The following RFC4 variants were observed in gnomAD, a reference collection of about 807,000 sequenced individuals.
RFC4 encodes the protein A1 37 kDa subunit.
A neutral mutation model predicts 47.6 loss-of-function variants in RFC4; 38 were observed. The observed-to-expected ratio is 0.80, with a 90% CI of 0.62 to 1.05. RFC4 has a LOEUF of 1.05. Ranked by LOEUF, RFC4 falls within the 50% of genes least tolerant of loss-of-function variation. The pLI, the probability that RFC4 is intolerant of heterozygous loss-of-function variation, is 0.00. For missense variants in RFC4, 489 were observed against 434.0 expected (o/e 1.13, Z -1.13); for synonymous variants, 164 against 150.0 (o/e 1.09, Z -0.68).
At chr3:186,803,511 T>C (rs543837253) in intron 2 of RFC4, among the ~76,000 whole-genome samples, 1 of 152,022 alleles carries the variant, frequency 6.6e-6, no homozygotes, top group East Asian at 1.9e-4. Flanking sequence ...GACAATTTTA[T>C]TTATTTATTT....
rs144395569 is a variant in RFC4 at position 186,793,167 on chromosome 3, T to C, written c.411-220A>G. ...TTGTACCTATTAGGAGTCACTCTTC[T>C]TCCCCCAGTCATTCCCAGCTCTAGG... On this transcript the variant is annotated intron_variant, in intron 5 of 10. Transcript: ENST00000296273. This position sits in a 1 kb window ranked among gnomAD's most constrained non-coding sequence, Gnocchi z 4.2. 4.0e-3 allele frequency among the ~76,000 whole-genome samples: 611 copies of C among 152,322 alleles called. 4 individuals carry two copies. Among genetic ancestry groups the C allele is most frequent in the Non-Finnish European group, 7.1e-3 (484 of 68,030 alleles).
intron 3 of RFC4, among the ~76,000 whole-genome samples, chr3:186,799,663 G>C (rs1430479697): frequency 2.6e-5 from 4 of 151,806 alleles, no homozygotes; most frequent in Non-Finnish European, 4.4e-5. Flanking sequence ...CAGTGAGCTG[G>C]TATCACGCCA....
Position 186,791,766 on chromosome 3 carries a change from C to CGAA in RFC4, c.759_760insTTC (p.Gly253_Gly254insPhe). ...ATCACTTTCTCTGTGATCTCCTTTC[C>CGAA]ACCTGTTAATCGAGTAGCGCTTTGA... On this transcript the variant is annotated inframe_insertion, in exon 8 of 11. Coordinates refer to ENST00000296273, the MANE Select transcript of RFC4 (RefSeq NM_002916.5). The CGAA allele has an allele frequency of 3.1e-6, 5 of 1,611,938 alleles. No homozygotes were observed. Among genetic ancestry groups the CGAA allele is most frequent in the Non-Finnish European group, 4.2e-6 (5 of 1,178,000 alleles).
chr3:186,796,203 AAAGT>A lies in RFC4; in HGVS notation c.290+1328_290+1331del, dbSNP rs3917120. Among the ~76,000 whole-genome samples, 68,001 of 150,172 alleles carry A rather than the reference AAAGT, an allele frequency of 0.45. 15,497 individuals carry two copies. Among genetic ancestry groups the A allele is most frequent in the Non-Finnish European group, 0.48 (31,837 of 66,956 alleles). On this transcript the variant is annotated intron_variant, in intron 4 of 10. Coordinates refer to ENST00000296273, the MANE Select transcript of RFC4 (RefSeq NM_002916.5). This position sits in a 1 kb window ranked among gnomAD's most constrained non-coding sequence, Gnocchi z 4.2. ...AATATTAAATATGAAATTCACTGTT[AAAGT>A]AAGTTCTTTAAAGACAAACATTATT... is the stretch of plus-strand genomic sequence containing the variant.
At chr3:186,802,766 T>C (rs1469048443) in intron 2 of RFC4, among the ~76,000 whole-genome samples, 1 of 152,100 alleles carries the variant, frequency 6.6e-6, no homozygotes, top group East Asian at 1.9e-4. Flanking sequence ...GGGAATCCAG[T>C]ATATGTTATA....
At chr3:186,801,850 A>G (rs1722363157) in intron 2 of RFC4, among the ~76,000 whole-genome samples, 1 of 150,546 alleles carries the variant, frequency 6.6e-6, no homozygotes, top group Non-Finnish European at 1.5e-5. Flanking sequence ...ACGGAGAAAC[A>G]CTGTCTCTAC....
At chr3:186,790,290 A>G (rs1223750176) in intron 9 of RFC4, 35 bp from the exon 10 acceptor site, 2 of 1,611,356 alleles carry the variant, frequency 1.2e-6, no homozygotes, top group African/African-American at 1.3e-5. Flanking sequence ...TGATGACTTA[A>G]TATTCCTTTC....
chr3:186,805,715 T>C (rs1722464140), intron 1 of RFC4: 1 of 152,124 alleles, frequency 6.6e-6, no homozygotes, highest in South Asian at 2.1e-4. Context: ...ACCCAGAAGG[T>C]AACTATTTCT....
At chr3:186,802,280 C>T (rs1348260324) in intron 2 of RFC4, among the ~76,000 whole-genome samples, 2 of 151,692 alleles carry the variant, frequency 1.3e-5, no homozygotes, top group Non-Finnish European at 2.9e-5. Flanking sequence ...GAGCCAAGAT[C>T]GCACCACTGC....
At chr3:186,803,722 G>A (rs1432177541) in intron 2 of RFC4, among the ~76,000 whole-genome samples, 1 of 150,708 alleles carries the variant, frequency 6.6e-6, no homozygotes. Context: ...ATGTTGGCCA[G>A]GCTGGTCTGG....
At chr3:186,800,968 A>C (rs1722338983) in intron 3 of RFC4, 149 bp downstream of exon 3, 1 of 592,878 alleles carries the variant, frequency 1.7e-6, no homozygotes, top group Admixed American at 3.2e-5. Context: ...AAATATTTGA[A>C]CTAATTATCA....
rs3082241 is a variant in RFC4, at chr3:186,796,026, T to TACACACACAC, written c.291-1259_291-1250dup. Among the ~76,000 whole-genome samples, 19 of 149,170 alleles carry TACACACACAC rather than the reference T, an allele frequency of 1.3e-4. No individual in the cohort carries two copies. Among genetic ancestry groups the TACACACACAC allele is most frequent in the African/African-American group, 2.2e-4 (9 of 40,434 alleles). ...TTTTTGAAACTTCCCTCTAGTCTTT[T>TACACACACAC]ACACACACACACACACACACACACA... On this transcript the variant is annotated intron_variant, in intron 4 of 10. Coordinates refer to ENST00000296273, the MANE Select transcript of RFC4 (RefSeq NM_002916.5). This position sits in a 1 kb window ranked among gnomAD's most constrained non-coding sequence, Gnocchi z 4.2.
rs202131209 is a variant in RFC4 at position 186,790,297 on chromosome 3, T to C, written c.882+29A>G. The C allele has an allele frequency of 7.4e-6, 12 of 1,612,068 alleles. No homozygotes were observed. In the East Asian group the frequency reaches 2.2e-4, roughly 30 times the overall value. ...TTTTGGTATGATGACTTAATATTCC[T>C]TTCCCCAAAGTTAGTAAGCTGACTT... On this transcript the variant is annotated intron_variant, in intron 9 of 10. Transcript: ENST00000296273.
chr3:186,801,356 G>A (rs1722347993), intron 2 of RFC4, 161 bp from the exon 3 acceptor site: 4 of 606,660 alleles, frequency 6.6e-6, no homozygotes, highest in East Asian at 2.8e-5. Context: ...AACCCCACTT[G>A]TTTTTACCGT....
Position 186,795,741 on chromosome 3 carries a change from C to T in RFC4, c.291-964G>A, listed in dbSNP as rs377419449. Among the ~76,000 whole-genome samples, 7 of 152,116 alleles carry T rather than the reference C, an allele frequency of 4.6e-5. No homozygotes were observed. In the East Asian group the frequency reaches 7.7e-4, roughly 17 times the overall value. Reference sequence around the variant, plus strand: ...CCGGGATGTGGAGGTTGCAGTGAGCCGAGATCGCACCACTGCACTCCAGCC... The same window carrying T: ...CCGGGATGTGGAGGTTGCAGTGAGCTGAGATCGCACCACTGCACTCCAGCC... On this transcript the variant is annotated intron_variant, in intron 4 of 10. Transcript: ENST00000296273.
rs1295367364 is a variant in RFC4, at chr3:186,806,367, G to A, written c.-89C>T. On this transcript the variant is annotated 5_prime_UTR_variant, in exon 1 of 11. Transcript: ENST00000296273. ...TTCCGCGATACAAAAAGGACGAGATGGTCTCGAAGTCTTAGCTCCGTCACC... is the reference window on the plus strand; with the variant it reads ...TTCCGCGATACAAAAAGGACGAGATAGTCTCGAAGTCTTAGCTCCGTCACC... The A allele has an allele frequency of 2.6e-5, 4 of 152,294 alleles. No individual in the cohort carries two copies. The highest frequency in any genetic ancestry group is 7.2e-5 in the African/African-American group (3 of 41,464). The allele number at this position is 152,294 out of a possible 1,614,324, so 9.4% of individuals were successfully genotyped here.
In RFC4 at chr3:186,789,961, T is replaced by A. The variant is rs749586814; in HGVS notation, c.*8A>T. The A allele has an allele frequency of 1.3e-6, 2 of 1,552,624 alleles. No homozygotes were observed. The highest frequency in any genetic ancestry group is 2.2e-5 in the East Asian group (1 of 44,586). On this transcript the variant is annotated 3_prime_UTR_variant, in exon 11 of 11. Transcript: ENST00000296273. ...ATTTACAAAACCCCCCATCCAGATA[T>A]ATTCACGTTAACAATTCTGAGATAA...
chr3:186,790,262 TAAAA>T lies in RFC4; in HGVS notation c.883-11_883-8del, dbSNP rs746846143. ...GACCCTCATCTATTAAATCCTATAA[TAAAA>T]AAAACTTTTGGTATGATGACTTAAT... is the stretch of plus-strand genomic sequence containing the variant. On this transcript the variant is annotated splice_polypyrimidine_tract_variant and splice_region_variant and intron_variant, in intron 9 of 10. Coordinates refer to ENST00000296273, the MANE Select transcript of RFC4 (RefSeq NM_002916.5). 43 of 1,611,420 alleles carry T rather than the reference TAAAA, an allele frequency of 2.7e-5. No homozygotes were observed. The highest frequency in any genetic ancestry group is 1.2e-4 in the African/African-American group (9 of 74,712).
In RFC4 at chr3:186,789,951, C is replaced by T. The variant is rs1292488920; in HGVS notation, c.*18G>A. ...CAACTTCATTATTTACAAAACCCCC[C>T]ATCCAGATATATTCACGTTAACAAT... On this transcript the variant is annotated 3_prime_UTR_variant, in exon 11 of 11. Coordinates refer to ENST00000296273, the MANE Select transcript of RFC4 (RefSeq NM_002916.5). 6 of 1,458,792 alleles carry T rather than the reference C, an allele frequency of 4.1e-6. No individual in the cohort carries two copies. The highest frequency in any genetic ancestry group is 1.7e-5 in the Admixed American group (1 of 57,624). 90.4% of individuals were successfully genotyped at this position (1,458,792 alleles called of 1,614,324 possible). A position where few individuals can be genotyped will look rare whatever the true frequency, so the allele number is the denominator to read the frequency against.
Sources: gnomAD v4.1 joint callset for allele counts (sites outside exome capture counted in the v4.1 genomes callset) on GRCh38, gnomAD v4.1.1 for gene constraint, Gnocchi (gnomAD v3.1) non-coding constraint, MANE v1.5 for transcripts, NCBI Gene and HGNC (gene_info 2026-07-23, HGNC 2026-07-21) for gene names.